Variants in CLMN observed in about 807,000 individuals in gnomAD.
CLMN encodes the protein calmin.
CLMN carries 57 observed loss-of-function variants against 92.7 expected under a neutral mutation model. The ratio of observed to expected loss-of-function variants is 0.61; its 90% CI spans 0.50 to 0.77. The LOEUF (loss-of-function observed/expected upper bound fraction) is 0.77. Ranked by LOEUF, CLMN falls within the 30% of genes least tolerant of loss-of-function variation. The probability of loss-of-function intolerance (pLI) is 0.00; values close to 1 mark genes in which losing one functional copy is unlikely to be tolerated. For missense variants in CLMN, 1,158 were observed against 1,237.5 expected (o/e 0.94, Z 0.96); for synonymous variants, 466 against 470.6 (o/e 0.99, Z 0.13).
At chr14:95,250,812 C>CATGAAT (rs1221458415) in intron 1 of CLMN, among the ~76,000 whole-genome samples, 3 of 152,136 alleles carry the variant, frequency 2.0e-5, no homozygotes, top group East Asian at 3.8e-4. Context: ...AACAAGGGCT[C>CATGAAT]ATGAATACTG....
chr14:95,212,698 T>C (rs946797637), intron 6 of CLMN, among the ~76,000 whole-genome samples: 1 of 152,112 alleles, frequency 6.6e-6, no homozygotes, highest in Admixed American at 6.6e-5. Flanking sequence ...TCAAATCTTA[T>C]CAGCTTTGTG....
At chr14:95,239,985 G>A (rs1188829716) in intron 1 of CLMN, among the ~76,000 whole-genome samples, 1 of 152,056 alleles carries the variant, frequency 6.6e-6, no homozygotes, top group Non-Finnish European at 1.5e-5. Flanking sequence ...ATATTGTTTA[G>A]ATGTGAAAAC....
chr14:95,296,004 T>C (rs1293521463), intron 1 of CLMN: 1 of 152,238 alleles, frequency 6.6e-6, no homozygotes, highest in African/African-American at 2.4e-5. Context: ...AGAGTCTCAC[T>C]GGGCGAAAAT....
At chr14:95,236,348 C>T (rs780249095) in intron 1 of CLMN, among the ~76,000 whole-genome samples, 24 of 152,326 alleles carry the variant, frequency 1.6e-4, no homozygotes, top group Middle Eastern at 3.4e-3. Context: ...ACTCTGGCCT[C>T]CCAGCTTTCC....
intron 1 of CLMN, among the ~76,000 whole-genome samples, chr14:95,318,529 C>T (rs1901893964): frequency 6.6e-6 from 1 of 152,128 alleles, no homozygotes; most frequent in South Asian, 2.1e-4. Context: ...AATGTTTAAA[C>T]TTGACTGCTC....
chr14:95,222,993 C>A (rs955591550), intron 3 of CLMN, among the ~76,000 whole-genome samples: 3 of 152,152 alleles, frequency 2.0e-5, no homozygotes, highest in African/African-American at 7.2e-5. Flanking sequence ...GTTGCCAAGG[C>A]CAAATCAAAC....
At chr14:95,222,949 G>A (rs1010690265) in intron 3 of CLMN, among the ~76,000 whole-genome samples, 4 of 152,186 alleles carry the variant, frequency 2.6e-5, no homozygotes, top group Admixed American at 6.5e-5. Flanking sequence ...TTGTGACCCC[G>A]TTGCTGCACC....
rs1169620195 is a variant in CLMN at position 95,259,838 on chromosome 14, T to C, written c.83-29705A>G. On this transcript the variant is annotated intron_variant, in intron 1 of 12. Coordinates refer to ENST00000298912, the MANE Select transcript of CLMN (RefSeq NM_024734.4). This position sits in a 1 kb window ranked among gnomAD's most constrained non-coding sequence, Gnocchi z 4.3. ...CATGGCCAGCTGCACCTGCGTTTCC[T>C]CTCCCCACACCCACCTGGACGGCTA... Among the ~76,000 whole-genome samples the C allele has an allele frequency of 6.6e-6, 1 of 152,158 alleles. No individual in the cohort carries two copies. The highest frequency in any genetic ancestry group is 1.5e-5 in the Non-Finnish European group (1 of 68,014).
At chr14:95,257,046 G>C (rs946719468) in intron 1 of CLMN, among the ~76,000 whole-genome samples, 2 of 152,196 alleles carry the variant, frequency 1.3e-5, no homozygotes, top group African/African-American at 4.8e-5. Flanking sequence ...GCGCTTTGAT[G>C]AGACAGCCTT....
At chr14:95,297,481 C>T (rs1900853584) in intron 1 of CLMN, among the ~76,000 whole-genome samples, 1 of 152,158 alleles carries the variant, frequency 6.6e-6, no homozygotes, top group African/African-American at 2.4e-5. Context: ...TCCATCACTC[C>T]CAAAATTCCT....
chr14:95,231,006 C>T (rs71431681), intron 1 of CLMN, among the ~76,000 whole-genome samples: 1 of 151,996 alleles, frequency 6.6e-6, no homozygotes, highest in South Asian at 2.1e-4. Context: ...CAAGCACTCA[C>T]TGCGTCCCGG....
At chr14:95,318,649 G>A (rs545054024) in intron 1 of CLMN, among the ~76,000 whole-genome samples, 143 of 152,226 alleles carry the variant, frequency 9.4e-4, no homozygotes, top group Middle Eastern at 6.8e-3. Context: ...CTCCCAGCTC[G>A]CTCCTAGCCA....
In CLMN at chr14:95,199,682, C is replaced by A. The variant is rs1257729787; in HGVS notation, c.2512-2988G>T. Among the ~76,000 whole-genome samples, 4 of 152,178 alleles carry A rather than the reference C, an allele frequency of 2.6e-5. No individual in the cohort carries two copies. In the East Asian group the frequency reaches 7.7e-4, roughly 29 times the overall value. On this transcript the variant is annotated intron_variant, in intron 9 of 12. Transcript: ENST00000298912. The stretch of plus-strand genomic sequence containing the variant: ...AGGTAAGCACTCAAGGAGAGATTGT[C>A]AAAAATGTGATCAGCTATAGGGAGG...
chr14:95,246,752 C>T (rs1898587687), intron 1 of CLMN, among the ~76,000 whole-genome samples: 1 of 152,220 alleles, frequency 6.6e-6, no homozygotes, highest in South Asian at 2.1e-4. Flanking sequence ...CAGGCGTGAG[C>T]CACGGCACCT....
chr14:95,255,419 T>C (rs928747613), intron 1 of CLMN, among the ~76,000 whole-genome samples: 7 of 152,186 alleles, frequency 4.6e-5, no homozygotes, highest in East Asian at 1.9e-4. Context: ...CTTGTTATCA[T>C]TGATTTTATT....
At chr14:95,304,340 C>T (rs1901181951) in intron 1 of CLMN, among the ~76,000 whole-genome samples, 1 of 145,174 alleles carries the variant, frequency 6.9e-6, no homozygotes, top group African/African-American at 2.5e-5. Flanking sequence ...GAAATTCTGT[C>T]TTAAAAGAAA....
At position 95,202,907 on chromosome 14, in the gene CLMN, A is replaced by G; in HGVS notation, c.2442T>C (p.Ala814=). The G allele has an allele frequency of 1.9e-6, 3 of 1,588,532 alleles. No homozygotes were observed. The highest frequency in any genetic ancestry group is 2.6e-6 in the Non-Finnish European group (3 of 1,170,982). The change falls in exon 9 of 13, where the codon GCT becomes GCC. Residue 814 remains alanine (A), a synonymous_variant. Coordinates refer to ENST00000298912, the MANE Select transcript of CLMN (RefSeq NM_024734.4). ...GVGTTPASEP[A]PLAPHEDHQQ... is the part of the protein sequence containing the mutation. ...GGTGGTCCTCATGGGGGGCCAGTGG[A>G]GCGGGTTCTGAGGCTGGTGTGGTAC...
chr14:95,230,960 A>G (rs1291747378), intron 1 of CLMN, among the ~76,000 whole-genome samples: 1 of 152,236 alleles, frequency 6.6e-6, no homozygotes, highest in Non-Finnish European at 1.5e-5. Context: ...GCTTCTTAGC[A>G]AAGATCTTTC....
At chr14:95,205,090 T>C (rs971536366) in intron 8 of CLMN, among the ~76,000 whole-genome samples, 2 of 152,204 alleles carry the variant, frequency 1.3e-5, no homozygotes, top group East Asian at 1.9e-4. Context: ...ATAGTGTGAA[T>C]TGACTTCAGC....
Sources: gnomAD v4.1 joint callset for allele counts (sites outside exome capture counted in the v4.1 genomes callset) on GRCh38, gnomAD v4.1.1 for gene constraint, Gnocchi (gnomAD v3.1) non-coding constraint, MANE v1.5 for transcripts, NCBI Gene and HGNC (gene_info 2026-07-23, HGNC 2026-07-21) for gene names.